Variants in ARHGEF7 observed in about 807,000 individuals in gnomAD.
The protein encoded by ARHGEF7 is Rho guanine nucleotide exchange factor 7, also known as PAK-interacting exchange factor beta.
ARHGEF7 carries 33 observed loss-of-function variants against 109.8 expected under a neutral mutation model. The ratio of observed to expected loss-of-function variants is 0.30; its 90% CI spans 0.23 to 0.40. ARHGEF7 has a LOEUF of 0.40. Among genes scored for constraint, ARHGEF7 ranks in the 10% least tolerant of loss-of-function variants. ARHGEF7 has a pLI of 1.00. For missense variants in ARHGEF7, 938 were observed against 1,098.5 expected (o/e 0.85, Z 2.07); for synonymous variants, 458 against 424.6 (o/e 1.08, Z -0.97).
intron 2 of ARHGEF7, among the ~76,000 whole-genome samples, chr13:111,176,359 TTC>T (rs1832591198): frequency 6.6e-6 from 1 of 152,366 alleles, no homozygotes; most frequent in Non-Finnish European, 1.5e-5. Context: ...GTAAGGCAGT[TTC>T]TGTTTCCTGA....
At chr13:111,301,658 C>A in intron 21 of ARHGEF7, 126 bp downstream of exon 21, 1 of 688,606 alleles carries the variant, frequency 1.5e-6, no homozygotes, top group South Asian at 2.0e-5. Flanking sequence ...TTTAGAAGGC[C>A]GAGGTGGACA....
chr13:111,206,971 AAAAAG>A (rs1210996574), intron 3 of ARHGEF7, among the ~76,000 whole-genome samples: 6 of 141,454 alleles, frequency 4.2e-5, no homozygotes, highest in African/African-American at 1.3e-4. Context: ...AAAAAAAAAA[AAAAAG>A]AAAAAGAAAA....
At chr13:111,185,961 CGTGTGTGTGTGTGTGTGTGTGTGTGT>C (rs71127998) in intron 2 of ARHGEF7, among the ~76,000 whole-genome samples, 1 of 135,778 alleles carries the variant, frequency 7.4e-6, no homozygotes, top group Non-Finnish European at 1.6e-5. Flanking sequence ...TTTGGGAGCT[CGTGTGTGTGTGTGTGTGTGTGTGTGT>C]GTGTGTGTGT....
At chr13:111,233,691 T>C (rs144041046) in intron 6 of ARHGEF7, among the ~76,000 whole-genome samples, 45 of 152,378 alleles carry the variant, frequency 3.0e-4, no homozygotes, top group African/African-American at 1.1e-3. Context: ...AGGCTTCTAA[T>C]TTATTTTTTC....
intron 2 of ARHGEF7, among the ~76,000 whole-genome samples, chr13:111,202,334 C>A (rs1003786572): frequency 3.3e-5 from 5 of 152,182 alleles, no homozygotes; most frequent in Non-Finnish European, 5.9e-5. Flanking sequence ...GTTGGAGTCA[C>A]TTGGAGAGGG....
At chr13:111,117,919 A>T (rs7318556) in intron 1 of ARHGEF7, among the ~76,000 whole-genome samples, 3,151 of 152,378 alleles carry the variant, frequency 0.021, 113 homozygotes, top group African/African-American at 0.073. Context: ...CACAAAGCAC[A>T]CATGCTGAAT....
intron 15 of ARHGEF7, chr13:111,281,108 C>A (rs2092749863): frequency 6.7e-6 from 1 of 150,152 alleles, no homozygotes; most frequent in Non-Finnish European, 1.5e-5. Flanking sequence ...GAATTTATGA[C>A]ACACTGTTGA....
At chr13:111,223,403 C>T (rs779589532) in intron 5 of ARHGEF7, among the ~76,000 whole-genome samples, 1 of 152,180 alleles carries the variant, frequency 6.6e-6, no homozygotes, top group Non-Finnish European at 1.5e-5. Flanking sequence ...TTGAGGGTTT[C>T]TCTTCTGAAT....
intron 5 of ARHGEF7, among the ~76,000 whole-genome samples, chr13:111,222,694 G>T (rs1454704792): frequency 6.6e-6 from 1 of 152,248 alleles, no homozygotes; most frequent in Non-Finnish European, 1.5e-5. Context: ...CTCCCAAAGT[G>T]CTGGGATTAC....
chr13:111,196,946 A>C (rs2080578700), intron 2 of ARHGEF7, among the ~76,000 whole-genome samples: 1 of 152,192 alleles, frequency 6.6e-6, no homozygotes, highest in African/African-American at 2.4e-5. Context: ...GCCAAGCCAT[A>C]GTGCAGAAAA....
intron 8 of ARHGEF7, among the ~76,000 whole-genome samples, chr13:111,249,721 C>T (rs899425069): frequency 6.6e-6 from 1 of 152,030 alleles, no homozygotes; most frequent in Non-Finnish European, 1.5e-5. Context: ...GACATATGTT[C>T]TGATAGATTT....
intron 2 of ARHGEF7, among the ~76,000 whole-genome samples, chr13:111,155,098 T>C (rs1190451325): frequency 6.6e-6 from 1 of 152,252 alleles, no homozygotes; most frequent in Non-Finnish European, 1.5e-5. Context: ...AGAGATGATT[T>C]AATGTTTACG....
intron 8 of ARHGEF7, among the ~76,000 whole-genome samples, chr13:111,263,143 G>T (rs1489135337): frequency 2.6e-5 from 4 of 152,232 alleles, no homozygotes; most frequent in Non-Finnish European, 5.9e-5. Flanking sequence ...AGCGTTATGT[G>T]TGGAATATGT....
chr13:111,160,990 C>T (rs926503199), intron 2 of ARHGEF7, among the ~76,000 whole-genome samples: 2 of 152,166 alleles, frequency 1.3e-5, no homozygotes, highest in African/African-American at 4.8e-5. Flanking sequence ...ACCTGAAAAT[C>T]CAAAATGCTC....
intron 2 of ARHGEF7, among the ~76,000 whole-genome samples, chr13:111,204,449 T>A (rs2153464692): frequency 6.6e-6 from 1 of 152,360 alleles, no homozygotes; most frequent in East Asian, 1.9e-4. Context: ...TGCTTGAGGT[T>A]ATTTGGTGAT....
intron 2 of ARHGEF7, chr13:111,203,231 C>G (rs1431082299): frequency 2.0e-6 from 1 of 512,068 alleles, no homozygotes; most frequent in Admixed American, 4.8e-5. Context: ...GAAAGACATT[C>G]AGATCTCCTA....
At chr13:111,285,425 C>G (rs1028802520) in intron 16 of ARHGEF7, among the ~76,000 whole-genome samples, 18 of 152,272 alleles carry the variant, frequency 1.2e-4, no homozygotes, top group African/African-American at 4.1e-4. Context: ...GTATTTAACA[C>G]GTGCTTGACA....
intron 5 of ARHGEF7, among the ~76,000 whole-genome samples, chr13:111,229,714 ATTT>A (rs1287297905): frequency 1.3e-5 from 2 of 152,132 alleles, no homozygotes; most frequent in African/African-American, 4.8e-5. Context: ...TTGTAGAAAT[ATTT>A]CTACAGAGAG....
intron 2 of ARHGEF7, among the ~76,000 whole-genome samples, chr13:111,190,157 C>G (rs1287760511): frequency 1.3e-5 from 2 of 152,148 alleles, no homozygotes; most frequent in Non-Finnish European, 2.9e-5. Flanking sequence ...TTTGTAAGAC[C>G]ATCTGTAGCT....
Sources: gnomAD v4.1 joint callset for allele counts (sites outside exome capture counted in the v4.1 genomes callset) on GRCh38, gnomAD v4.1.1 for gene constraint, MANE v1.5 for transcripts, NCBI Gene and HGNC (gene_info 2026-07-23, HGNC 2026-07-21) for gene names.